The following HDDC2 variants were observed in gnomAD, a reference collection of about 807,000 sequenced individuals.
HDDC2 encodes the protein HD domain containing 2.
In HDDC2, 25 loss-of-function variants were observed where a neutral mutation model predicts 25.5. The ratio of observed to expected loss-of-function variants is 0.98; its 90% CI spans 0.72 to 1.37. The LOEUF (loss-of-function observed/expected upper bound fraction) is 1.37, where lower values mean the gene tolerates loss of function less well. HDDC2 is among the 40% of genes most tolerant of loss of function. The pLI is 0.00. For synonymous variants in HDDC2, 106 were observed against 89.7 expected, an observed-to-expected ratio of 1.18 and a Z score of -1.03; for missense variants, 264 against 253.1, an observed-to-expected ratio of 1.04 and a Z score of -0.29.
At chr6:125,293,018 C>T (rs770161464) in intron 3 of HDDC2, 109 bp from the exon 4 acceptor site, 11 of 872,430 alleles carry the variant, frequency 1.3e-5, no homozygotes, top group Non-Finnish European at 2.1e-5. Flanking sequence ...CTCACAGGGG[C>T]AGCAGAGTAA....
At chr6:125,278,004 T>C (rs1430400030) in intron 4 of HDDC2, 1 of 152,206 alleles carries the variant, frequency 6.6e-6, no homozygotes, top group Non-Finnish European at 1.5e-5. Flanking sequence ...TAATACTATA[T>C]AGATTCATTC....
chr6:125,296,136 G>T (rs1472876004), intron 3 of HDDC2, among the ~76,000 whole-genome samples: 2 of 151,300 alleles, frequency 1.3e-5, no homozygotes, highest in Non-Finnish European at 2.9e-5. Flanking sequence ...TAAAAAAAAA[G>T]ATACAAATAA....
intron 4 of HDDC2, among the ~76,000 whole-genome samples, chr6:125,292,308 C>A (rs1261436481): frequency 6.6e-6 from 1 of 152,106 alleles, no homozygotes; most frequent in African/African-American, 2.4e-5. Context: ...CCAGCCTAAC[C>A]TCCCTTCACT....
At chr6:125,291,470 C>T (rs759079593) in intron 4 of HDDC2, among the ~76,000 whole-genome samples, 9 of 152,094 alleles carry the variant, frequency 5.9e-5, no homozygotes, top group Non-Finnish European at 1.0e-4. Context: ...CACTCAGTTG[C>T]CGGATGAAGA....
rs755339227 is a variant in HDDC2, at chr6:125,277,089, T to C, written c.517+13A>G. 1.9e-6 allele frequency: 3 copies of C among 1,613,606 alleles called. No homozygotes were observed. The Admixed American group carries it at 5.0e-5, about 27-fold the overall frequency. On this transcript the variant is annotated intron_variant, in intron 5 of 5. Coordinates refer to ENST00000398153, the MANE Select transcript of HDDC2 (RefSeq NM_016063.3). Reference sequence around the variant, plus strand: ...AACTAAAATGGACTCTTGTTGAAAATGGTGTTGAGTACCTGCTGTGGAATC... The same window carrying C: ...AACTAAAATGGACTCTTGTTGAAAACGGTGTTGAGTACCTGCTGTGGAATC...
At chr6:125,277,033 A>C (rs1798380100) in intron 5 of HDDC2, 69 bp downstream of exon 5, 1 of 1,510,486 alleles carries the variant, frequency 6.6e-7, no homozygotes, top group South Asian at 1.2e-5. Context: ...TTTCCCTAAT[A>C]TTAACATTAG....
chr6:125,294,652 T>G (rs1057468026), intron 3 of HDDC2, among the ~76,000 whole-genome samples: 2 of 152,230 alleles, frequency 1.3e-5, no homozygotes, highest in African/African-American at 4.8e-5. Context: ...ACATCTCAAC[T>G]GTAGAATGCA....
chr6:125,280,158 GC>G (rs1798436323), intron 4 of HDDC2, among the ~76,000 whole-genome samples: 1 of 152,166 alleles, frequency 6.6e-6, no homozygotes, highest in Non-Finnish European at 1.5e-5. Context: ...CCCTCCCCTA[GC>G]CAATGGAACT....
chr6:125,301,482 GCACA>G (rs3839545), intron 1 of HDDC2, among the ~76,000 whole-genome samples: 33 of 120,408 alleles, frequency 2.7e-4, no homozygotes, highest in South Asian at 1.5e-3. Flanking sequence ...GGGGTCGTGA[GCACA>G]CACACACACA....
intron 4 of HDDC2, among the ~76,000 whole-genome samples, chr6:125,290,688 G>A (rs964272261): frequency 1.3e-5 from 2 of 152,138 alleles, no homozygotes; most frequent in African/African-American, 2.4e-5. Flanking sequence ...ATGTGTCTGC[G>A]AACCAAGGAC....
At chr6:125,289,273 T>C (rs1165702239) in intron 4 of HDDC2, among the ~76,000 whole-genome samples, 7 of 129,538 alleles carry the variant, frequency 5.4e-5, no homozygotes, top group African/African-American at 1.6e-4. Context: ...TAGGTGGGAA[T>C]TGAACAATGA....
At chr6:125,300,924 T>C (rs2115120540) in intron 1 of HDDC2, among the ~76,000 whole-genome samples, 1 of 152,302 alleles carries the variant, frequency 6.6e-6, no homozygotes, top group East Asian at 1.9e-4. Context: ...GATGTATAAT[T>C]ATGGAACATA....
Position 125,276,374 on chromosome 6 carries a change from G to A in HDDC2, c.518-131C>T. The A allele has an allele frequency of 1.6e-5, 11 of 680,842 alleles. No individual in the cohort carries two copies. In the South Asian group the frequency reaches 2.0e-4, roughly 13 times the overall value. 42.2% of individuals were successfully genotyped at this position (680,842 alleles called of 1,614,324 possible). ...CTGACCCACACTTCATTCCAAAGCA[G>A]AAAGAGATTCCAGGTCCTGGGAAGG... On this transcript the variant is annotated intron_variant, in intron 5 of 5. Coordinates refer to ENST00000398153, the MANE Select transcript of HDDC2 (RefSeq NM_016063.3).
At chr6:125,287,069 G>A (rs1470998100) in intron 4 of HDDC2, among the ~76,000 whole-genome samples, 1 of 152,110 alleles carries the variant, frequency 6.6e-6, no homozygotes, top group Admixed American at 6.5e-5. Context: ...ACAGAGGAAC[G>A]TGACCTGCAC....
intron 4 of HDDC2, among the ~76,000 whole-genome samples, chr6:125,283,794 C>A (rs1441035709): frequency 6.6e-6 from 1 of 152,076 alleles, no homozygotes; most frequent in East Asian, 1.9e-4. Context: ...TGACTTTCTC[C>A]ACAGAATTAG....
chr6:125,277,878 T>A (rs771297795), intron 4 of HDDC2: 2 of 152,138 alleles, frequency 1.3e-5, no homozygotes, highest in Non-Finnish European at 2.9e-5. Flanking sequence ...GGGAGCAGTT[T>A]TTTTACCTTT....
intron 3 of HDDC2, 75 bp downstream of exon 3, chr6:125,298,639 G>C: frequency 9.8e-7 from 1 of 1,019,702 alleles, no homozygotes; most frequent in South Asian, 1.3e-5. Flanking sequence ...ACTGTAACAG[G>C]TCTCATAAAC....
chr6:125,301,716 CT>C, intron 1 of HDDC2, 132 bp downstream of exon 1: 1 of 641,754 alleles, frequency 1.6e-6, no homozygotes, highest in East Asian at 3.3e-5. Context: ...GGACTGGGGC[CT>C]TTCCGGAATT....
chr6:125,275,509 T>C lies in HDDC2; in HGVS notation c.*637A>G, dbSNP rs976007827. ...GATTTATAAGTCAGACAGGGAAAAA[T>C]ATACAAAGGAATACAAGTTGCATTT... On this transcript the variant is annotated 3_prime_UTR_variant, in exon 6 of 6. Coordinates refer to ENST00000398153, the MANE Select transcript of HDDC2 (RefSeq NM_016063.3). The C allele has an allele frequency of 6.6e-6, 1 of 152,118 alleles. No homozygotes were observed. Among genetic ancestry groups the C allele is most frequent in the South Asian group, 2.1e-4 (1 of 4,828 alleles). 9.4% of individuals were successfully genotyped at this position (152,118 alleles called of 1,614,324 possible).
Sources: allele counts gnomAD v4.1 joint callset (sites outside exome capture counted in the v4.1 genomes callset), GRCh38; gene constraint gnomAD v4.1.1; transcripts MANE v1.5; gene names NCBI Gene and HGNC (gene_info 2026-07-23, HGNC 2026-07-21).